Variants in AUTS2 observed in about 807,000 individuals in gnomAD.
AUTS2 encodes activator of transcription and developmental regulator AUTS2.
AUTS2 carries 17 observed loss-of-function variants against 112.4 expected under a neutral mutation model. The observed-to-expected ratio is 0.15, with a 90% confidence interval of 0.10 to 0.23. The LOEUF (loss-of-function observed/expected upper bound fraction) is 0.23. Among genes scored for constraint, AUTS2 ranks in the 10% least tolerant of loss-of-function variants. AUTS2 has a pLI of 1.00. For synonymous variants in AUTS2, 751 were observed against 702.7 expected, an observed-to-expected ratio of 1.07 and a Z score of -1.09; for missense variants, 1,510 against 1,701.6, an observed-to-expected ratio of 0.89 and a Z score of 1.98.
intron 5 of AUTS2, among the ~76,000 whole-genome samples, chr7:70,698,362 AT>A (rs58543886): frequency 1.3e-4 from 19 of 150,590 alleles, no homozygotes; most frequent in East Asian, 7.7e-4. Context: ...TTAAAATCAG[AT>A]TTTTTTCCCC....
At chr7:70,030,861 A>T (rs1416091740) in intron 2 of AUTS2, among the ~76,000 whole-genome samples, 1 of 152,146 alleles carries the variant, frequency 6.6e-6, no homozygotes, top group Non-Finnish European at 1.5e-5. Flanking sequence ...TATCCTAGTC[A>T]TATCCTGTAG....
chr7:70,641,067 A>G (rs974672304), intron 5 of AUTS2, among the ~76,000 whole-genome samples: 1 of 152,116 alleles, frequency 6.6e-6, no homozygotes, highest in African/African-American at 2.4e-5. Context: ...CAGCCACACT[A>G]GTCCACCCGG....
At chr7:70,596,570 G>A (rs1175316960) in intron 5 of AUTS2, 3 of 152,252 alleles carry the variant, frequency 2.0e-5, no homozygotes, top group Admixed American at 6.5e-5. Flanking sequence ...TGGAGACTTT[G>A]AACTTAGTCT....
intron 1 of AUTS2, among the ~76,000 whole-genome samples, chr7:69,834,966 T>A (rs2129527904): frequency 6.6e-6 from 1 of 152,150 alleles, no homozygotes; most frequent in South Asian, 2.1e-4. Context: ...CCGTTTTCTC[T>A]GTACTCCATG....
intron 2 of AUTS2, among the ~76,000 whole-genome samples, chr7:69,987,866 A>G (rs1798577069): frequency 6.6e-6 from 1 of 152,316 alleles, no homozygotes; most frequent in South Asian, 2.1e-4. Flanking sequence ...AGATGAATTC[A>G]CTTTTATATT....
At chr7:70,688,090 A>G (rs1040179487) in intron 5 of AUTS2, among the ~76,000 whole-genome samples, 5 of 152,124 alleles carry the variant, frequency 3.3e-5, no homozygotes, top group African/African-American at 9.7e-5. Flanking sequence ...CCGAAGTCAA[A>G]ATGCAGATCC....
At position 70,791,095 on chromosome 7, in the gene AUTS2, G is replaced by A; in HGVS notation, c.*99G>A. On this transcript the variant is annotated 3_prime_UTR_variant, in exon 19 of 19. Transcript: ENST00000342771. Reference sequence around the variant, plus strand: ...CCTGCATGGCTCACACAGACTGGGGGGGAAAGCCCCACCCCTTCCCCTTGT... The same window carrying A: ...CCTGCATGGCTCACACAGACTGGGGAGGAAAGCCCCACCCCTTCCCCTTGT... The A allele has an allele frequency of 8.2e-7, 1 of 1,221,836 alleles. No homozygotes were observed. The highest frequency in any genetic ancestry group is 1.1e-6 in the Non-Finnish European group (1 of 944,890). The allele number at this position is 1,221,836 out of a possible 1,614,324, so 75.7% of individuals were successfully genotyped here.
intron 4 of AUTS2, among the ~76,000 whole-genome samples, chr7:70,395,128 G>A (rs966632874): frequency 6.6e-6 from 1 of 151,752 alleles, no homozygotes; most frequent in Non-Finnish European, 1.5e-5. Flanking sequence ...GGAAGGTGGG[G>A]CAAGGACTGA....
At chr7:70,240,241 A>C (rs909051326) in intron 4 of AUTS2, among the ~76,000 whole-genome samples, 2 of 152,220 alleles carry the variant, frequency 1.3e-5, no homozygotes, top group Non-Finnish European at 2.9e-5. Flanking sequence ...GCTACAATTG[A>C]TGTAACCTGG....
chr7:70,018,223 G>C (rs1251039756), intron 2 of AUTS2, among the ~76,000 whole-genome samples: 2 of 150,160 alleles, frequency 1.3e-5, no homozygotes, highest in African/African-American at 4.9e-5. Context: ...TTTTTTTAAC[G>C]CCTTTAACTA....
intron 6 of AUTS2, among the ~76,000 whole-genome samples, chr7:70,757,041 A>G (rs1287352024): frequency 6.6e-6 from 1 of 152,192 alleles, no homozygotes; most frequent in Non-Finnish European, 1.5e-5. Context: ...CACTCCCACA[A>G]ATTTCCATCT....
Position 69,939,404 on chromosome 7 carries a change from C to G in AUTS2, c.522+39906C>G, listed in dbSNP as rs80030766. Among the ~76,000 whole-genome samples, 33 of 152,286 alleles carry G rather than the reference C, an allele frequency of 2.2e-4. No individual in the cohort carries two copies. In the East Asian group the frequency reaches 6.2e-3, roughly 28 times the overall value. ...CAGAAATTCTTTCTACTTAGGTTCT[C>G]TGTGCCCCACACAACCTCACATTTT... On this transcript the variant is annotated intron_variant, in intron 2 of 18. Coordinates refer to ENST00000342771, the MANE Select transcript of AUTS2 (RefSeq NM_015570.4).
rs4717529 is a variant in AUTS2 at position 70,366,381 on chromosome 7, C to T, written c.661-69371C>T. ...AGGAAGCAATGTTGAACTCTTGTCT[C>T]GTTGGATGAGTAAAGCTCCCCAGAG... On this transcript the variant is annotated intron_variant, in intron 4 of 18. Transcript: ENST00000342771. Among the ~76,000 whole-genome samples the T allele has an allele frequency of 6.5e-3, 984 of 152,152 alleles. 37 individuals are homozygous for T. Among genetic ancestry groups the T allele is most frequent in the Admixed American group, 0.049 (749 of 15,278 alleles).
At chr7:69,788,725 A>G (rs1025438577) in intron 1 of AUTS2, among the ~76,000 whole-genome samples, 6 of 151,904 alleles carry the variant, frequency 3.9e-5, no homozygotes, top group African/African-American at 9.7e-5. Flanking sequence ...ACCATTATTC[A>G]TAATTCTGCA....
At chr7:69,812,198 GTGTT>G (rs967600464) in intron 1 of AUTS2, among the ~76,000 whole-genome samples, 2 of 152,080 alleles carry the variant, frequency 1.3e-5, no homozygotes. Flanking sequence ...TGACAATACT[GTGTT>G]TGGGAGATAA....
chr7:69,609,097 AAAC>A lies in AUTS2; in HGVS notation c.309+9140_309+9142del, dbSNP rs1326181180. Among the ~76,000 whole-genome samples the A allele has an allele frequency of 3.9e-5, 6 of 152,354 alleles. No homozygotes were observed. The East Asian group carries it at 7.7e-4, about 20-fold the overall frequency. On this transcript the variant is annotated intron_variant, in intron 1 of 18. Transcript: ENST00000342771. Reference sequence around the variant, plus strand: ...GTTCTACCTCTCATTTTGCAAATGAAAACAACAGCCCACAGGGGTTAATTGACC... The same window carrying A: ...GTTCTACCTCTCATTTTGCAAATGAAAACAGCCCACAGGGGTTAATTGACC...
chr7:70,684,147 A>AT (rs1488175585), intron 5 of AUTS2, among the ~76,000 whole-genome samples: 2 of 151,914 alleles, frequency 1.3e-5, no homozygotes, highest in Non-Finnish European at 2.9e-5. Flanking sequence ...AAAAAAAAAA[A>AT]GCTTTGTTAG....
chr7:70,486,296 A>G (rs1270527939), intron 5 of AUTS2, among the ~76,000 whole-genome samples: 1 of 152,210 alleles, frequency 6.6e-6, no homozygotes, highest in East Asian at 1.9e-4. Flanking sequence ...CCCTTGGGGA[A>G]GTTATCAAAC....
intron 2 of AUTS2, among the ~76,000 whole-genome samples, chr7:70,082,537 C>T (rs535163453): frequency 2.6e-5 from 4 of 152,268 alleles, no homozygotes; most frequent in South Asian, 2.1e-4. Context: ...ATGTCTGAAC[C>T]GTGTCTGAAG....
Sources: allele counts gnomAD v4.1 joint callset (sites outside exome capture counted in the v4.1 genomes callset), GRCh38; gene constraint gnomAD v4.1.1; transcripts MANE v1.5; gene names NCBI Gene and HGNC (gene_info 2026-07-23, HGNC 2026-07-21).